CTPS1: variants seen among roughly 807,000 people sequenced by gnomAD.
CTPS1 encodes CTP synthetase 1.
CTPS1 carries 25 observed loss-of-function variants against 80.5 expected under a neutral mutation model. The observed-to-expected ratio is 0.31, with a 90% CI of 0.23 to 0.43. The LOEUF (loss-of-function observed/expected upper bound fraction) is 0.43. Among genes scored for constraint, CTPS1 ranks in the 20% least tolerant of loss-of-function variants. The pLI is 1.00. For missense variants in CTPS1, 442 were observed against 725.7 expected (o/e 0.61, Z 4.49); for synonymous variants, 267 against 252.5 (o/e 1.06, Z -0.54).
chr1:41,000,858 A>G, intron 9 of CTPS1, 171 bp from the exon 10 acceptor site: 1 of 362,330 alleles, frequency 2.8e-6, no homozygotes, highest in Non-Finnish European at 5.0e-6. Flanking sequence ...AAAAATGTTT[A>G]AGTTATTAAA....
chr1:40,993,872 G>A lies in CTPS1; in HGVS notation c.720+2027G>A, dbSNP rs763169745. Among the ~76,000 whole-genome samples, 19 of 135,112 alleles carry A rather than the reference G, an allele frequency of 1.4e-4. No individual in the cohort carries two copies. The East Asian group carries it at 3.7e-3, about 27-fold the overall frequency. The allele number at this position is 135,112 out of a possible 152,430, so 88.6% of individuals were successfully genotyped here. A position where few individuals can be genotyped will look rare whatever the true frequency, so the allele number is the denominator to read the frequency against. The stretch of plus-strand genomic sequence containing the variant: ...TGGCTCACTGCCATCTCTGTCTCCC[G>A]TGTTCAAGCGATTCTCCTGCCTCAG... On this transcript the variant is annotated intron_variant, in intron 7 of 18. Coordinates refer to ENST00000650070, the MANE Select transcript of CTPS1 (RefSeq NM_001905.4).
chr1:41,008,763 A>T, intron 15 of CTPS1, 31 bp from the exon 16 acceptor site: 1 of 1,613,774 alleles, frequency 6.2e-7, no homozygotes, highest in Non-Finnish European at 8.5e-7. Context: ...GAGCTGAGAG[A>T]CCAGCAGAAT....
intron 13 of CTPS1, 108 bp downstream of exon 13, chr1:41,006,202 C>G (rs933635068): frequency 1.1e-5 from 10 of 946,050 alleles, no homozygotes; most frequent in Non-Finnish European, 1.7e-5. Context: ...GAGTCCATCC[C>G]AAAGAACCCT....
In CTPS1 at chr1:40,991,757, A is replaced by G; in HGVS notation, c.640-8A>G. The stretch of plus-strand genomic sequence containing the variant: ...TTCTGTCTAAGCCATCTTGTTCTCT[A>G]CTGCTAGGTTGTATGCAGGTGCTCA... On this transcript the variant is annotated splice_region_variant and splice_polypyrimidine_tract_variant and intron_variant, in intron 6 of 18. Coordinates refer to ENST00000650070, the MANE Select transcript of CTPS1 (RefSeq NM_001905.4). 5.0e-6 allele frequency: 8 copies of G among 1,607,058 alleles called. No homozygotes were observed. The highest frequency in any genetic ancestry group is 6.8e-6 in the Non-Finnish European group (8 of 1,173,650).
chr1:40,985,044 T>A, intron 3 of CTPS1, 53 bp downstream of exon 3: 2 of 1,322,808 alleles, frequency 1.5e-6, no homozygotes, highest in Non-Finnish European at 2.0e-6. Flanking sequence ...TTTAATTTCT[T>A]CTCCCTCCCA....
intron 11 of CTPS1, among the ~76,000 whole-genome samples, chr1:41,002,701 C>T (rs755512126): frequency 6.6e-6 from 1 of 152,088 alleles, no homozygotes; most frequent in Non-Finnish European, 1.5e-5. Context: ...AGTACTGAGG[C>T]TAGGCACGGT....
intron 1 of CTPS1, 192 bp downstream of exon 1, chr1:40,980,021 C>G (rs1379648761): frequency 6.6e-6 from 1 of 151,294 alleles, no homozygotes; most frequent in Non-Finnish European, 1.5e-5. Context: ...GCGCCCCGGC[C>G]GGCGAGCTGC....
At position 40,988,662 on chromosome 1, in the gene CTPS1, G is replaced by A; in HGVS notation, c.507G>A (p.Lys169=). The change falls in exon 5 of 19, where the codon AAG becomes AAA. Residue 169 remains lysine (K), a synonymous_variant. Coordinates refer to ENST00000650070, the MANE Select transcript of CTPS1 (RefSeq NM_001905.4). ...FIEAFRQFQF[K]VKRENFCNIH... ...AGGCCTTCCGTCAGTTCCAATTCAA[G>A]GTCAAAAGAGAGAACTTTTGTAACA... 1.9e-6 allele frequency: 3 copies of A among 1,614,102 alleles called. No individual in the cohort carries two copies. Among genetic ancestry groups the A allele is most frequent in the Non-Finnish European group, 2.5e-6 (3 of 1,179,982 alleles).
chr1:40,990,038 G>A (rs1202963073), intron 5 of CTPS1, among the ~76,000 whole-genome samples: 1 of 152,066 alleles, frequency 6.6e-6, no homozygotes, highest in Non-Finnish European at 1.5e-5. Context: ...AACCCCAGGG[G>A]TCAGCAAATG....
rs1323776987 is a variant in CTPS1, at chr1:41,011,931, C to T, written c.*283C>T. On this transcript the variant is annotated 3_prime_UTR_variant, in exon 19 of 19. Transcript: ENST00000650070. ...TGGGTGGGGCTGCAGAGTGCCCCAT[C>T]GGTCACCTTGTTTCTCAACTACCTC... 2.6e-5 allele frequency: 4 copies of T among 152,166 alleles called. No homozygotes were observed. The highest frequency in any genetic ancestry group is 4.4e-5 in the Non-Finnish European group (3 of 68,042). The allele number at this position is 152,166 out of a possible 1,614,324, so 9.4% of individuals were successfully genotyped here. A position where few individuals can be genotyped will look rare whatever the true frequency, so the allele number is the denominator to read the frequency against.
intron 14 of CTPS1, 111 bp from the exon 15 acceptor site, chr1:41,008,548 A>G: frequency 8.6e-7 from 1 of 1,162,770 alleles, no homozygotes; most frequent in Non-Finnish European, 1.3e-6. Flanking sequence ...ATAGCCCTCA[A>G]AAGACCTGGC....
At position 41,001,133 on chromosome 1, in the gene CTPS1, T is replaced by A; in HGVS notation, c.1094+16T>A. On this transcript the variant is annotated intron_variant, in intron 10 of 18. Coordinates refer to ENST00000650070, the MANE Select transcript of CTPS1 (RefSeq NM_001905.4). ...GTAGTGCTCAGTGAGTAGAGTTCGC[T>A]GCCTTGGGTTTCCAGAGTTCTTTTG... 1 of 1,579,890 alleles carries A rather than the reference T, an allele frequency of 6.3e-7. No individual in the cohort carries two copies.
intron 7 of CTPS1, among the ~76,000 whole-genome samples, chr1:40,993,774 CTTTTTT>C (rs71278720): frequency 2.2e-4 from 19 of 85,802 alleles, no homozygotes; most frequent in East Asian, 1.4e-3. Context: ...TTTCTTCTCT[CTTTTTT>C]TTTTTTTTTT....
chr1:40,993,938 C>T (rs928407860), intron 7 of CTPS1, among the ~76,000 whole-genome samples: 3 of 151,980 alleles, frequency 2.0e-5, no homozygotes, highest in South Asian at 2.1e-4. Context: ...ACCACCACAC[C>T]TGGCTAATTT....
intron 11 of CTPS1, among the ~76,000 whole-genome samples, chr1:41,002,881 T>A (rs1642937928): frequency 6.6e-6 from 1 of 152,210 alleles, no homozygotes. Context: ...CACTTACTTC[T>A]AAAATCGGAT....
chr1:40,980,025 G>C (rs1651785400), intron 1 of CTPS1, 196 bp downstream of exon 1: 1 of 151,276 alleles, frequency 6.6e-6, no homozygotes, highest in Non-Finnish European at 1.5e-5. Flanking sequence ...CCCGGCCGGC[G>C]AGCTGCCGGC....
At chr1:41,002,663 A>C (rs1209878551) in intron 11 of CTPS1, among the ~76,000 whole-genome samples, 1 of 152,098 alleles carries the variant, frequency 6.6e-6, no homozygotes, top group Non-Finnish European at 1.5e-5. Context: ...AAACTTAATG[A>C]GAGAGGGTAA....
intron 16 of CTPS1, 94 bp downstream of exon 16, chr1:41,008,984 C>A: frequency 9.9e-7 from 1 of 1,012,620 alleles, no homozygotes; most frequent in Non-Finnish European, 1.6e-6. Context: ...TGCTCCTGAC[C>A]TAACAGAATT....
At chr1:41,006,448 C>T (rs774279900) in intron 13 of CTPS1, among the ~76,000 whole-genome samples, 9 of 152,296 alleles carry the variant, frequency 5.9e-5, no homozygotes, top group Middle Eastern at 3.4e-3. Flanking sequence ...CCAGCCGCTG[C>T]TCTCACTGCT....
Sources: allele counts gnomAD v4.1 joint callset (sites outside exome capture counted in the v4.1 genomes callset), GRCh38; gene constraint gnomAD v4.1.1; transcripts MANE v1.5; gene names NCBI Gene and HGNC (gene_info 2026-07-23, HGNC 2026-07-21).